The following GPIHBP1 variants were observed in gnomAD, a reference collection of about 807,000 sequenced individuals.
The protein encoded by GPIHBP1 is glycosylphosphatidylinositol anchored high density lipoprotein binding protein 1.
Under a neutral mutation model 13.0 loss-of-function variants are expected in GPIHBP1, and 11 were observed. That is an observed-to-expected ratio of 0.84 (90% CI 0.53 to 1.40). The LOEUF (loss-of-function observed/expected upper bound fraction) is 1.40, where lower values mean the gene tolerates loss of function less well. Among genes scored for constraint, GPIHBP1 ranks in the 40% most tolerant of loss-of-function variants. The probability of loss-of-function intolerance (pLI) is 0.00; values close to 1 mark genes in which losing one functional copy is unlikely to be tolerated. For synonymous variants in GPIHBP1, 106 were observed against 102.2 expected (o/e 1.04, Z -0.22); for missense variants, 231 against 241.1 (o/e 0.96, Z 0.28).
Position 143,215,820 on chromosome 8 carries a change from C to G in GPIHBP1, c.*302C>G, listed in dbSNP as rs946201699. The G allele has an allele frequency of 7.0e-5, 35 of 499,576 alleles. No homozygotes were observed. The East Asian group carries it at 1.2e-3, about 17-fold the overall frequency. The allele number at this position is 499,576 out of a possible 1,614,324, so 30.9% of individuals were successfully genotyped here. A position where few individuals can be genotyped will look rare whatever the true frequency, so the allele number is the denominator to read the frequency against. Reference sequence around the variant, plus strand: ...GGGCTGGGGATCCCCATCAGCACAGCCAGGCAGAGATGATACCCACCACAC... The same window carrying G: ...GGGCTGGGGATCCCCATCAGCACAGGCAGGCAGAGATGATACCCACCACAC... On this transcript the variant is annotated 3_prime_UTR_variant, in exon 4 of 4. Coordinates refer to ENST00000622500, the MANE Select transcript of GPIHBP1 (RefSeq NM_178172.6).
Position 143,213,343 on chromosome 8 carries a change from C to T in GPIHBP1, c.52+24C>T, listed in dbSNP as rs765548725. 5.6e-5 allele frequency: 89 copies of T among 1,576,606 alleles called. 2 individuals carry two copies. The highest frequency in any genetic ancestry group is 5.0e-4 in the South Asian group (44 of 87,376). ...AGGTGCGGGGCAAAGGGTAACCCTGCGGTGAGGGGGCAGCAACAGCAGTCC... is the reference window on the plus strand; with the variant it reads ...AGGTGCGGGGCAAAGGGTAACCCTGTGGTGAGGGGGCAGCAACAGCAGTCC... On this transcript the variant is annotated intron_variant, in intron 1 of 3. Transcript: ENST00000622500.
rs779309481 is a variant in GPIHBP1, at chr8:143,213,313, C to A, written c.46C>A (p.Arg16=). 5 of 1,594,216 alleles carry A rather than the reference C, an allele frequency of 3.1e-6. No homozygotes were observed. The highest frequency in any genetic ancestry group is 4.3e-6 in the Non-Finnish European group (5 of 1,175,604). The part of the protein sequence containing the change: ...AVLLALLLFG[R]PGRGQTQQEE... ...CCTGCTTGCCCTCTTGCTGTTCGGGCGGCCAGGTGCGGGGCAAAGGGTAAC... is the reference window on the plus strand; with the variant it reads ...CCTGCTTGCCCTCTTGCTGTTCGGGAGGCCAGGTGCGGGGCAAAGGGTAAC... Residue 16 remains arginine (R), a synonymous_variant, in exon 1 of 4, where the codon CGG becomes AGG. Transcript: ENST00000622500.
rs34124858 is a variant in GPIHBP1 at position 143,214,874 on chromosome 8, G to GC, written c.182-136dup. ...AGCTTACAGGACCAAGTCAGGGGTC[G>GC]CCCGCCCATCTGAGCAGTGGGTGCT... On this transcript the variant is annotated intron_variant, in intron 2 of 3. Transcript: ENST00000622500. This position sits in a 1 kb window ranked among gnomAD's most constrained non-coding sequence, Gnocchi z 4.1. 3.4e-4 allele frequency: 220 copies of GC among 643,966 alleles called. No homozygotes were observed. The highest frequency in any genetic ancestry group is 2.8e-3 in the Middle Eastern group (7 of 2,466). The allele number at this position is 643,966 out of a possible 1,614,324, so 39.9% of individuals were successfully genotyped here.
At position 143,215,719 on chromosome 8, in the gene GPIHBP1, G is replaced by A. The variant is rs1372555230; in HGVS notation, c.*201G>A. 6.6e-6 allele frequency: 4 copies of A among 603,290 alleles called. No individual in the cohort carries two copies. The highest frequency in any genetic ancestry group is 5.6e-5 in the African/African-American group (3 of 53,900). The allele number at this position is 603,290 out of a possible 1,614,324, so 37.4% of individuals were successfully genotyped here. A position where few individuals can be genotyped will look rare whatever the true frequency, so the allele number is the denominator to read the frequency against. ...TTGGTGTCCTTTCTCCACCACCTGT[G>A]AGCAGCAAGACTGCCGCACGTGGGC... On this transcript the variant is annotated 3_prime_UTR_variant, in exon 4 of 4. Transcript: ENST00000622500.
At chr8:143,215,233 C>A (rs745681552) in intron 3 of GPIHBP1, 26 bp from the exon 4 acceptor site, 1 of 1,613,030 alleles carries the variant, frequency 6.2e-7, no homozygotes, top group Non-Finnish European at 8.5e-7. Flanking sequence ...CCATCCTCAG[C>A]ACTTGTTCCC....
chr8:143,216,175 C>T lies in GPIHBP1; in HGVS notation c.*657C>T, dbSNP rs11989781. On this transcript the variant is annotated 3_prime_UTR_variant, in exon 4 of 4. Transcript: ENST00000622500. ...GCCAGCGGGGCCTGTCTGGCTATGGCGTGAGCACCGCTATGGGAGACCCTG... is the reference window on the plus strand; with the variant it reads ...GCCAGCGGGGCCTGTCTGGCTATGGTGTGAGCACCGCTATGGGAGACCCTG... The T allele has an allele frequency of 0.13, 19,824 of 152,734 alleles. 1,307 individuals are homozygous for T. Among genetic ancestry groups the T allele is most frequent in the South Asian group, 0.14 (686 of 4,840 alleles). The allele number at this position is 152,734 out of a possible 1,614,324, so 9.5% of individuals were successfully genotyped here.
At position 143,215,540 on chromosome 8, in the gene GPIHBP1, C is replaced by A; in HGVS notation, c.*22C>A. ...CTGACCCACGGCCCCTCCCCACCCC[C>A]ACCCGGCTCACCCCCGGCCCTGCCA... On this transcript the variant is annotated 3_prime_UTR_variant, in exon 4 of 4. Coordinates refer to ENST00000622500, the MANE Select transcript of GPIHBP1 (RefSeq NM_178172.6). 1 of 1,529,794 alleles carries A rather than the reference C, an allele frequency of 6.5e-7. No individual in the cohort carries two copies. The highest frequency in any genetic ancestry group is 8.8e-7 in the Non-Finnish European group (1 of 1,137,866). 94.8% of individuals were successfully genotyped at this position (1,529,794 alleles called of 1,614,324 possible). A position where few individuals can be genotyped will look rare whatever the true frequency, so the allele number is the denominator to read the frequency against.
In GPIHBP1 at chr8:143,215,145, G is replaced by A. The variant is rs78123380; in HGVS notation, c.295+19G>A. ...AACACCGGTAAGTGGGCGTGGGGCC[G>A]CAGCACATGCACCCCCAGGCGGCGG... On this transcript the variant is annotated intron_variant, in intron 3 of 3. Coordinates refer to ENST00000622500, the MANE Select transcript of GPIHBP1 (RefSeq NM_178172.6). 14,361 of 1,608,840 alleles carry A rather than the reference G, an allele frequency of 8.9e-3. 970 individuals are homozygous for A. The African/African-American group carries it at 0.16, about 18-fold the overall frequency.
rs761823083 is a variant in GPIHBP1, at chr8:143,215,496, C to T, written c.533C>T (p.Ala178Val). 7.5e-6 allele frequency: 12 copies of T among 1,606,528 alleles called. No homozygotes were observed. In the Admixed American group the frequency reaches 1.5e-4, roughly 20 times the overall value. ...CTCAACCTCCTTGCCGGCCTTGGAG[C>T]AATGGGGGCCAGGAGACCCTGACCC... ...LLLNLLAGLGAMGARRP is the reference protein window; with the variant it reads ...LLLNLLAGLGVMGARRP The change falls in exon 4 of 4, where the codon GCA becomes GTA. Residue 178 changes from alanine to valine, a missense_variant. Physicochemically the swap from Ala to Val is moderately conservative, Grantham distance 64. Coordinates refer to ENST00000622500, the MANE Select transcript of GPIHBP1 (RefSeq NM_178172.6).
rs570918925 is a variant in GPIHBP1, at chr8:143,214,873, C to G, written c.182-140C>G. On this transcript the variant is annotated intron_variant, in intron 2 of 3. Transcript: ENST00000622500. This position sits in a 1 kb window ranked among gnomAD's most constrained non-coding sequence, Gnocchi z 4.1. ...CAGCTTACAGGACCAAGTCAGGGGT[C>G]GCCCGCCCATCTGAGCAGTGGGTGC... The G allele has an allele frequency of 7.8e-6, 5 of 643,110 alleles. No individual in the cohort carries two copies. The allele number at this position is 643,110 out of a possible 1,614,324, so 39.8% of individuals were successfully genotyped here. A position where few individuals can be genotyped will look rare whatever the true frequency, so the allele number is the denominator to read the frequency against.
rs1322896543 is a variant in GPIHBP1, at chr8:143,216,894, CT to C, written c.*1377del. The C allele has an allele frequency of 6.6e-6, 1 of 152,234 alleles. No individual in the cohort carries two copies. Among genetic ancestry groups the C allele is most frequent in the Non-Finnish European group, 1.5e-5 (1 of 68,050 alleles). The allele number at this position is 152,234 out of a possible 1,614,324, so 9.4% of individuals were successfully genotyped here. ...CAGCGGGAGGCCTCCGCTAACTGTT[CT>C]CTTCTTTTCCTTATTAATAAAACAC... is the stretch of plus-strand genomic sequence containing the variant. On this transcript the variant is annotated 3_prime_UTR_variant, in exon 4 of 4. Transcript: ENST00000622500.
Position 143,214,999 on chromosome 8 carries a change from C to A in GPIHBP1, c.182-14C>A, listed in dbSNP as rs773126617. ...GGGGGGCCCGGCCTCGGCCTGAGCCCGCCTTGTCCCCAGTGCTGCTGCGGT... is the reference window on the plus strand; with the variant it reads ...GGGGGGCCCGGCCTCGGCCTGAGCCAGCCTTGTCCCCAGTGCTGCTGCGGT... On this transcript the variant is annotated splice_polypyrimidine_tract_variant and intron_variant, in intron 2 of 3. Transcript: ENST00000622500. The surrounding 1 kb of genome is among the most constrained non-coding windows in gnomAD (Gnocchi z 4.1). The A allele has an allele frequency of 1.9e-6, 3 of 1,545,036 alleles. No homozygotes were observed. Among genetic ancestry groups the A allele is most frequent in the Non-Finnish European group, 2.6e-6 (3 of 1,139,866 alleles).
rs1435750900 is a variant in GPIHBP1, at chr8:143,214,585, A to C, written c.182-428A>C. The stretch of plus-strand genomic sequence containing the variant: ...GCCCCCAGCATGCCCCACCACACAC[A>C]GCCCACCCCCCTCCCAGGAGCCCCA... On this transcript the variant is annotated intron_variant, in intron 2 of 3. Transcript: ENST00000622500. This position sits in a 1 kb window ranked among gnomAD's most constrained non-coding sequence, Gnocchi z 4.1. Among the ~76,000 whole-genome samples the C allele has an allele frequency of 6.7e-6, 1 of 150,244 alleles. No homozygotes were observed. The highest frequency in any genetic ancestry group is 1.5e-5 in the Non-Finnish European group (1 of 67,508).
In GPIHBP1 at chr8:143,214,117, T is replaced by A. The variant is rs1448275029; in HGVS notation, c.181+167T>A. 6.6e-6 allele frequency among the ~76,000 whole-genome samples: 1 copy of A among 152,048 alleles called. No homozygotes were observed. Among genetic ancestry groups the A allele is most frequent in the African/African-American group, 2.4e-5 (1 of 41,408 alleles). ...ACTGCTGCTCACCATGACACTCAGTTGCCTTCCAGAGTAGGGAACAGGGGA... is the reference window on the plus strand; with the variant it reads ...ACTGCTGCTCACCATGACACTCAGTAGCCTTCCAGAGTAGGGAACAGGGGA... On this transcript the variant is annotated intron_variant, in intron 2 of 3. Coordinates refer to ENST00000622500, the MANE Select transcript of GPIHBP1 (RefSeq NM_178172.6). The surrounding 1 kb of genome is among the most constrained non-coding windows in gnomAD (Gnocchi z 4.1).
chr8:143,215,083 A>G lies in GPIHBP1; in HGVS notation c.252A>G (p.Ser84=), dbSNP rs1033049419. The change falls in exon 3 of 4, where the codon TCA becomes TCG. Residue 84 remains serine (S), a synonymous_variant. Transcript: ENST00000622500. The stretch of plus-strand genomic sequence containing the variant: ...GCTGCAACCTGACGCAGAACTGCTC[A>G]CATGGCCAGACCTGCACAACCCTCA... The part of the protein sequence containing the change: ...DERCNLTQNC[S]HGQTCTTLIA... 11 of 1,612,242 alleles carry G rather than the reference A, an allele frequency of 6.8e-6. No individual in the cohort carries two copies. The highest frequency in any genetic ancestry group is 8.5e-6 in the Non-Finnish European group (10 of 1,179,672).
intron 1 of GPIHBP1, 73 bp downstream of exon 1, chr8:143,213,392 C>T (rs1816250098): frequency 1.6e-6 from 2 of 1,264,988 alleles, no homozygotes; most frequent in Non-Finnish European, 2.2e-6. Flanking sequence ...CCTCCAGGGA[C>T]CCCCAGCAGG....
In GPIHBP1 at chr8:143,214,899, T is replaced by A; in HGVS notation, c.182-114T>A. ...GCCCGCCCATCTGAGCAGTGGGTGC[T>A]GGAGGCTCACCAGGCTAGGCTTTGG... On this transcript the variant is annotated intron_variant, in intron 2 of 3. Coordinates refer to ENST00000622500, the MANE Select transcript of GPIHBP1 (RefSeq NM_178172.6). This position sits in a 1 kb window ranked among gnomAD's most constrained non-coding sequence, Gnocchi z 4.1. 1 of 733,362 alleles carries A rather than the reference T, an allele frequency of 1.4e-6. No individual in the cohort carries two copies. 45.4% of individuals were successfully genotyped at this position (733,362 alleles called of 1,614,324 possible). A position where few individuals can be genotyped will look rare whatever the true frequency, so the allele number is the denominator to read the frequency against.
chr8:143,213,325 G>A lies in GPIHBP1; in HGVS notation c.52+6G>A. On this transcript the variant is annotated splice_donor_region_variant and intron_variant, in intron 1 of 3. Transcript: ENST00000622500. ...CTTGCTGTTCGGGCGGCCAGGTGCG[G>A]GGCAAAGGGTAACCCTGCGGTGAGG... is the stretch of plus-strand genomic sequence containing the variant. 2 of 1,593,394 alleles carry A rather than the reference G, an allele frequency of 1.3e-6. No homozygotes were observed. The highest frequency in any genetic ancestry group is 1.1e-5 in the South Asian group (1 of 88,222).
Position 143,214,947 on chromosome 8 carries a change from G to T in GPIHBP1, c.182-66G>T. The T allele has an allele frequency of 9.1e-7, 1 of 1,094,422 alleles. No individual in the cohort carries two copies. The highest frequency in any genetic ancestry group is 1.4e-6 in the Non-Finnish European group (1 of 735,978). 67.8% of individuals were successfully genotyped at this position (1,094,422 alleles called of 1,614,324 possible). ...TGGGAGCACAGCTGAGAACGGGGAG[G>T]TGGACAGGGACGTGGGAGGAGACCC... On this transcript the variant is annotated intron_variant, in intron 2 of 3. Transcript: ENST00000622500. This position sits in a 1 kb window ranked among gnomAD's most constrained non-coding sequence, Gnocchi z 4.1.
Sources: allele counts gnomAD v4.1 joint callset (sites outside exome capture counted in the v4.1 genomes callset), GRCh38; gene constraint gnomAD v4.1.1; non-coding constraint Gnocchi (gnomAD v3.1); transcripts MANE v1.5; gene names NCBI Gene and HGNC (gene_info 2026-07-23, HGNC 2026-07-21).